Variants in ZC2HC1A observed in about 807,000 individuals in gnomAD.
The protein encoded by ZC2HC1A is zinc finger C2HC-type containing 1A, also known as zinc finger C2HC domain-containing protein 1A.
In ZC2HC1A, 28 loss-of-function variants were observed where a neutral mutation model predicts 40.7. That is an observed-to-expected ratio of 0.69 (90% CI 0.51 to 0.94). The LOEUF (loss-of-function observed/expected upper bound fraction) is 0.94, where lower values mean the gene tolerates loss of function less well. Ranked by LOEUF, ZC2HC1A falls within the 40% of genes least tolerant of loss-of-function variation. ZC2HC1A has a pLI of 0.00. For missense variants in ZC2HC1A, 389 were observed against 386.3 expected (o/e 1.01, Z -0.06); for synonymous variants, 129 against 129.2 (o/e 1.00, Z 0.01).
intron 1 of ZC2HC1A, 68 bp downstream of exon 1, chr8:78,666,232 C>G (rs974202062): frequency 2.6e-6 from 4 of 1,551,042 alleles, no homozygotes; most frequent in Middle Eastern, 4.1e-4. Flanking sequence ...ACCCTGGACA[C>G]CAGTAGCAGG....
chr8:78,688,721 G>T (rs1473959571), intron 4 of ZC2HC1A, among the ~76,000 whole-genome samples: 1 of 152,074 alleles, frequency 6.6e-6, no homozygotes, highest in Non-Finnish European at 1.5e-5. Context: ...TCTTCCATCT[G>T]TTGGGACTTT....
At chr8:78,683,496 T>C (rs1239899518) in intron 3 of ZC2HC1A, among the ~76,000 whole-genome samples, 1 of 152,166 alleles carries the variant, frequency 6.6e-6, no homozygotes, top group Non-Finnish European at 1.5e-5. Context: ...CTTTTAGCCA[T>C]GCCTGGAGCA....
intron 5 of ZC2HC1A, among the ~76,000 whole-genome samples, chr8:78,691,690 G>A (rs1437198982): frequency 2.6e-5 from 4 of 151,022 alleles, no homozygotes; most frequent in South Asian, 2.1e-4. Context: ...TTTCTTTTTT[G>A]GCTTTCTAGC....
intron 3 of ZC2HC1A, 21 bp from the exon 4 acceptor site, chr8:78,686,446 T>C (rs1809975968): frequency 2.2e-6 from 3 of 1,340,720 alleles, no homozygotes; most frequent in African/African-American, 3.1e-5. Flanking sequence ...TTTATTTATT[T>C]ATTTATTTAT....
At chr8:78,672,680 C>G (rs1162739897) in intron 1 of ZC2HC1A, among the ~76,000 whole-genome samples, 1 of 152,126 alleles carries the variant, frequency 6.6e-6, no homozygotes, top group African/African-American at 2.4e-5. Flanking sequence ...CTACATATTT[C>G]CAACTAATCA....
chr8:78,669,497 G>A (rs79303512), intron 1 of ZC2HC1A, among the ~76,000 whole-genome samples: 5,606 of 152,166 alleles, frequency 0.037, 317 homozygotes, highest in African/African-American at 0.13. Context: ...ATGCTTGGGA[G>A]GAGCGAAGGA....
chr8:78,710,198 G>A (rs1810909495), intron 7 of ZC2HC1A, among the ~76,000 whole-genome samples: 1 of 152,036 alleles, frequency 6.6e-6, no homozygotes, highest in Admixed American at 6.6e-5. Context: ...TAGCCTAATG[G>A]CAACTTAGAA....
In ZC2HC1A at chr8:78,717,326, A is replaced by G; in HGVS notation, c.813-2A>G. On this transcript the variant is annotated splice_acceptor_variant, in intron 8 of 8. Transcript: ENST00000263849. LOFTEE classifies it high-confidence loss of function. The stretch of plus-strand genomic sequence containing the variant: ...CTTTTCATTGTTTCTTTACTTTTTT[A>G]GGCCAGATGGGGACTGTGCATCTTC... 1 of 1,599,512 alleles carries G rather than the reference A, an allele frequency of 6.3e-7. No homozygotes were observed. Among genetic ancestry groups the G allele is most frequent in the Non-Finnish European group, 8.5e-7 (1 of 1,175,748 alleles).
At chr8:78,681,362 C>G (rs985833672) in intron 3 of ZC2HC1A, among the ~76,000 whole-genome samples, 1 of 152,080 alleles carries the variant, frequency 6.6e-6, no homozygotes, top group Admixed American at 6.5e-5. Flanking sequence ...AAAAGAACAG[C>G]AGAACATCAG....
intron 5 of ZC2HC1A, among the ~76,000 whole-genome samples, chr8:78,693,712 G>C (rs1032899482): frequency 2.4e-4 from 37 of 152,198 alleles, no homozygotes; most frequent in Non-Finnish European, 3.2e-4. Context: ...AGTTTCTTCT[G>C]CTGTGCAGAA....
intron 7 of ZC2HC1A, among the ~76,000 whole-genome samples, chr8:78,701,140 C>T (rs1223289109): frequency 6.6e-6 from 1 of 152,080 alleles, no homozygotes; most frequent in Non-Finnish European, 1.5e-5. Flanking sequence ...AATATTTTTT[C>T]ATTTATTTGT....
At chr8:78,716,272 G>A (rs1159071777) in intron 8 of ZC2HC1A, among the ~76,000 whole-genome samples, 4 of 151,152 alleles carry the variant, frequency 2.6e-5, no homozygotes, top group Non-Finnish European at 5.9e-5. Context: ...ACAGGCGCCC[G>A]CCACCACGCC....
intron 7 of ZC2HC1A, among the ~76,000 whole-genome samples, chr8:78,708,525 AAAAC>A (rs1810852043): frequency 6.6e-6 from 1 of 151,948 alleles, no homozygotes; most frequent in Non-Finnish European, 1.5e-5. Flanking sequence ...TAAAAAAACA[AAAAC>A]AAAAACAACC....
At chr8:78,668,806 TGAGA>T (rs1483168133) in intron 1 of ZC2HC1A, among the ~76,000 whole-genome samples, 1 of 152,220 alleles carries the variant, frequency 6.6e-6, no homozygotes, top group African/African-American at 2.4e-5. Flanking sequence ...GTTCTAGACT[TGAGA>T]GAGTTCCAAT....
At chr8:78,669,625 T>C (rs1366082522) in intron 1 of ZC2HC1A, among the ~76,000 whole-genome samples, 1 of 152,122 alleles carries the variant, frequency 6.6e-6, no homozygotes, top group Non-Finnish European at 1.5e-5. Context: ...GATTTGACAA[T>C]TAGTAAATAG....
chr8:78,680,732 T>C (rs1585985274), intron 3 of ZC2HC1A, among the ~76,000 whole-genome samples: 1 of 152,122 alleles, frequency 6.6e-6, no homozygotes, highest in African/African-American at 2.4e-5. Context: ...AGAGGAGGTA[T>C]AGGAAATTGC....
chr8:78,706,528 G>A (rs553172704), intron 7 of ZC2HC1A, among the ~76,000 whole-genome samples: 2 of 152,220 alleles, frequency 1.3e-5, no homozygotes, highest in South Asian at 2.1e-4. Flanking sequence ...AGGGTCACAC[G>A]TTCACTCACT....
At chr8:78,675,533 A>G (rs1585977712) in intron 1 of ZC2HC1A, among the ~76,000 whole-genome samples, 1 of 151,976 alleles carries the variant, frequency 6.6e-6, no homozygotes, top group African/African-American at 2.4e-5. Flanking sequence ...TTACAAGAAA[A>G]CTAGATATTT....
chr8:78,668,773 T>G (rs1469189496), intron 1 of ZC2HC1A, among the ~76,000 whole-genome samples: 3 of 152,214 alleles, frequency 2.0e-5, no homozygotes, highest in African/African-American at 4.8e-5. Flanking sequence ...CCCCACAAAA[T>G]CTATCTAAGG....
Sources: gnomAD v4.1 joint callset for allele counts (sites outside exome capture counted in the v4.1 genomes callset) on GRCh38, gnomAD v4.1.1 for gene constraint, MANE v1.5 for transcripts, NCBI Gene and HGNC (gene_info 2026-07-23, HGNC 2026-07-21) for gene names.